WNT9B: variants seen among roughly 807,000 people sequenced by gnomAD.
WNT9B encodes the protein Wnt family member 9B.
A neutral mutation model predicts 30.2 loss-of-function variants in WNT9B; 12 were observed. The observed-to-expected ratio is 0.40, with a 90% confidence interval of 0.26 to 0.64. The LOEUF is 0.64. Among genes scored for constraint, WNT9B ranks in the 30% least tolerant of loss-of-function variants. The pLI is 0.42. For synonymous variants in WNT9B, 218 were observed against 216.9 expected (o/e 1.01, Z -0.05); for missense variants, 442 against 485.2 (o/e 0.91, Z 0.84).
At chr17:46,862,697 C>G (rs751001244) in intron 1 of WNT9B, among the ~76,000 whole-genome samples, 2 of 152,186 alleles carry the variant, frequency 1.3e-5, no homozygotes, top group Non-Finnish European at 2.9e-5. Flanking sequence ...ATTCTCCTGC[C>G]TCAGCCTCCC....
In WNT9B at chr17:46,851,819, G is replaced by C; in HGVS notation, c.77+104G>C. 5.3e-6 allele frequency: 3 copies of C among 568,852 alleles called. No individual in the cohort carries two copies. The highest frequency in any genetic ancestry group is 7.8e-6 in the Non-Finnish European group (3 of 384,682). 35.2% of individuals were successfully genotyped at this position (568,852 alleles called of 1,614,324 possible). On this transcript the variant is annotated intron_variant, in intron 1 of 3. Coordinates refer to ENST00000290015, the MANE Select transcript of WNT9B (RefSeq NM_003396.3). The surrounding 1 kb of genome is among the most constrained non-coding windows in gnomAD (Gnocchi z 4.3). ...CCCTCCCGCTGTCCTTGGCCCCGCC[G>C]AGGTCTCGAACTCAGACCCTAGCCC... is the stretch of plus-strand genomic sequence containing the variant.
chr17:46,848,086 T>C (rs573742277), upstream of WNT9B, among the ~76,000 whole-genome samples: 7 of 152,194 alleles, frequency 4.6e-5, no homozygotes, highest in Admixed American at 2.0e-4. Context: ...TAGCTGCATG[T>C]GGATATCCAA....
At chr17:46,862,845 G>A (rs1364886977) in intron 1 of WNT9B, among the ~76,000 whole-genome samples, 2 of 152,162 alleles carry the variant, frequency 1.3e-5, no homozygotes, top group East Asian at 1.9e-4. Flanking sequence ...CGGCCTCCCA[G>A]AGTGCTGGGA....
chr17:46,844,305 CT>C (rs34889221), intron 1 of WNT9B, among the ~76,000 whole-genome samples: 24,565 of 126,424 alleles, frequency 0.19, 1,481 homozygotes, highest in Middle Eastern at 0.24. Flanking sequence ...AGTTAGCCAC[CT>C]TTTTTTTTTT....
chr17:46,842,603 G>A (rs2084729370), intron 1 of WNT9B, among the ~76,000 whole-genome samples: 1 of 152,086 alleles, frequency 6.6e-6, no homozygotes, highest in Non-Finnish European at 1.5e-5. Flanking sequence ...GAACTCCTGG[G>A]CTCAAGTGAT....
intron 1 of WNT9B, among the ~76,000 whole-genome samples, chr17:46,857,488 A>G (rs1277152161): frequency 6.6e-6 from 1 of 152,024 alleles, no homozygotes; most frequent in East Asian, 1.9e-4. Context: ...AAAAAAAAAA[A>G]AAAAAAAAGA....
intron 1 of WNT9B, among the ~76,000 whole-genome samples, chr17:46,865,818 C>T (rs1046602051): frequency 6.6e-6 from 1 of 152,138 alleles, no homozygotes; most frequent in Non-Finnish European, 1.5e-5. Flanking sequence ...ACTTACGTTG[C>T]CCAGGCTGGT....
chr17:46,841,303 G>C (rs1444799705), intron 1 of WNT9B, among the ~76,000 whole-genome samples: 1 of 152,210 alleles, frequency 6.6e-6, no homozygotes, highest in Non-Finnish European at 1.5e-5. Context: ...CACCCAGCTA[G>C]GAAGGAAAGC....
intron 1 of WNT9B, among the ~76,000 whole-genome samples, chr17:46,844,305 CTTTTTTTT>C (rs34889221): frequency 0.22 from 27,718 of 127,656 alleles, 3,287 homozygotes; most frequent in East Asian, 0.53. Flanking sequence ...AGTTAGCCAC[CTTTTTTTT>C]TTTTTTTTTT....
intron 1 of WNT9B, among the ~76,000 whole-genome samples, chr17:46,852,166 T>TCTC (rs1287847268): frequency 2.6e-5 from 4 of 152,224 alleles, no homozygotes; most frequent in African/African-American, 9.6e-5. Flanking sequence ...GCCTTCGCCC[T>TCTC]GCGGAGCGGA....
At position 46,876,956 on chromosome 17, in the gene WNT9B, G is replaced by C; in HGVS notation, c.*238G>C. The C allele has an allele frequency of 7.6e-7, 1 of 1,310,306 alleles. No homozygotes were observed. The highest frequency in any genetic ancestry group is 9.7e-7 in the Non-Finnish European group (1 of 1,033,310). The allele number at this position is 1,310,306 out of a possible 1,614,324, so 81.2% of individuals were successfully genotyped here. On this transcript the variant is annotated 3_prime_UTR_variant, in exon 4 of 4. Transcript: ENST00000290015. ...ACCCAAGCATCCCCAACCTTGTTGA[G>C]GACTTGGAGAGGAGGGCAGAGTGAG...
intron 1 of WNT9B, among the ~76,000 whole-genome samples, chr17:46,867,987 G>T (rs1221777212): frequency 6.6e-6 from 1 of 152,138 alleles, no homozygotes; most frequent in Non-Finnish European, 1.5e-5. Flanking sequence ...GGGGCAGCAA[G>T]GGGAGGAGGC....
chr17:46,859,468 C>T (rs2084997289), intron 1 of WNT9B, among the ~76,000 whole-genome samples: 1 of 152,176 alleles, frequency 6.6e-6, no homozygotes, highest in Non-Finnish European at 1.5e-5. Flanking sequence ...GGGCCTATTT[C>T]TGGACACTCT....
intron 1 of WNT9B, among the ~76,000 whole-genome samples, chr17:46,839,920 CTT>C (rs1210060335): frequency 2.6e-5 from 2 of 75,882 alleles, no homozygotes; most frequent in Non-Finnish European, 5.5e-5. Flanking sequence ...TCTTTTCTTT[CTT>C]TCTTTCTTTC....
At chr17:46,874,994 G>A in intron 2 of WNT9B, 107 bp from the exon 3 acceptor site, 1 of 1,566,700 alleles carries the variant, frequency 6.4e-7, no homozygotes, top group East Asian at 2.2e-5. Flanking sequence ...TCACAGCGCT[G>A]CCACCACCGC....
At chr17:46,865,468 G>A (rs1568126051) in intron 1 of WNT9B, among the ~76,000 whole-genome samples, 1 of 152,148 alleles carries the variant, frequency 6.6e-6, no homozygotes, top group Non-Finnish European at 1.5e-5. Flanking sequence ...GCCAGATTCA[G>A]TCCTCAGGGT....
chr17:46,855,857 C>T (rs965420093), intron 1 of WNT9B, among the ~76,000 whole-genome samples: 27 of 152,210 alleles, frequency 1.8e-4, no homozygotes, highest in African/African-American at 6.5e-4. Context: ...TGCCACCATG[C>T]CTGGCTAATT....
intron 1 of WNT9B, among the ~76,000 whole-genome samples, chr17:46,840,408 A>G (rs530202525): frequency 2.6e-5 from 4 of 152,314 alleles, no homozygotes; most frequent in African/African-American, 9.6e-5. Flanking sequence ...CCAGTCTATC[A>G]TTGATGGACA....
intron 1 of WNT9B, among the ~76,000 whole-genome samples, chr17:46,852,067 C>T (rs1296674857): frequency 1.3e-5 from 2 of 152,240 alleles, no homozygotes; most frequent in African/African-American, 4.8e-5. Flanking sequence ...TCTCTGATGC[C>T]CTCTCGGGAT....
Sources: gnomAD v4.1 joint callset for allele counts (sites outside exome capture counted in the v4.1 genomes callset) on GRCh38, gnomAD v4.1.1 for gene constraint, Gnocchi (gnomAD v3.1) non-coding constraint, MANE v1.5 for transcripts, NCBI Gene and HGNC (gene_info 2026-07-23, HGNC 2026-07-21) for gene names.